The following HRH2 variants were observed in gnomAD, a reference collection of about 807,000 sequenced individuals.
The protein encoded by HRH2 is histamine receptor H2, also known as histamine H2 receptor.
In HRH2, 4 loss-of-function variants were observed where a neutral mutation model predicts 20.1. The observed-to-expected ratio is 0.20, with a 90% CI of 0.10 to 0.45. The LOEUF is 0.45. Ranked by LOEUF, HRH2 falls within the 20% of genes least tolerant of loss-of-function variation. The pLI is 0.99. For missense variants in HRH2, 250 were observed against 461.6 expected (o/e 0.54, Z 4.20); for synonymous variants, 197 against 200.7 (o/e 0.98, Z 0.16).
chr5:175,689,267 C>T (rs1366872767), intron 2 of HRH2, among the ~76,000 whole-genome samples: 5 of 152,084 alleles, frequency 3.3e-5, no homozygotes, highest in Non-Finnish European at 2.9e-5. Flanking sequence ...CCTCTGGCCC[C>T]CCTCAGCCCA....
At chr5:175,678,292 T>G (rs1755829147) in intron 1 of HRH2, among the ~76,000 whole-genome samples, 1 of 152,216 alleles carries the variant, frequency 6.6e-6, no homozygotes, top group African/African-American at 2.4e-5. Context: ...GAATGCTATT[T>G]GCTGACCATG....
chr5:175,706,751 C>G (rs1401030950), intron 2 of HRH2, among the ~76,000 whole-genome samples: 1 of 152,238 alleles, frequency 6.6e-6, no homozygotes, highest in Non-Finnish European at 1.5e-5. Flanking sequence ...GGCACATGCC[C>G]TCACATGGAA....
intron 1 of HRH2, among the ~76,000 whole-genome samples, chr5:175,674,579 C>T (rs1294112252): frequency 2.0e-5 from 3 of 152,166 alleles, no homozygotes; most frequent in African/African-American, 4.8e-5. Flanking sequence ...GTGCCAACAA[C>T]ACCAGTTACA....
rs1047676359 is a variant in HRH2 at position 175,667,244 on chromosome 5, G to A, written c.-526+9089G>A. Among the ~76,000 whole-genome samples the A allele has an allele frequency of 5.3e-5, 8 of 152,036 alleles. No individual in the cohort carries two copies. In the East Asian group the frequency reaches 5.8e-4, roughly 11 times the overall value. ...AGATCACCTGAGGTCAGGAGTTCGCGACCAGTCTGGCCAACGTGGTGAAAA... is the reference window on the plus strand; with the variant it reads ...AGATCACCTGAGGTCAGGAGTTCGCAACCAGTCTGGCCAACGTGGTGAAAA... On this transcript the variant is annotated intron_variant, in intron 1 of 2. Coordinates refer to ENST00000636584, the MANE Select transcript of HRH2 (RefSeq NM_001367711.1).
At chr5:175,661,388 A>G (rs1328483005) in intron 1 of HRH2, among the ~76,000 whole-genome samples, 2 of 152,206 alleles carry the variant, frequency 1.3e-5, no homozygotes, top group East Asian at 3.9e-4. Flanking sequence ...GAAATACGAA[A>G]TTATTAATAT....
chr5:175,676,128 T>C (rs1033336837), intron 1 of HRH2, among the ~76,000 whole-genome samples: 4 of 152,240 alleles, frequency 2.6e-5, no homozygotes, highest in African/African-American at 9.6e-5. Context: ...CGTGCACGTT[T>C]ACACTTCCCA....
rs747761681 is a variant in HRH2, at chr5:175,684,120, G to A, written c.887G>A (p.Arg296His). ...TATGCTGCGCTGAACAGAGACTTCC[G>A]CACCGGGTACCAACAGCTCTTCTGC... ...ILYAALNRDF[R>H]TGYQQLFCCR... is the part of the protein sequence containing the mutation. The change falls in exon 2 of 3, where the codon CGC becomes CAC. Residue 296 changes from arginine to histidine, a missense_variant. Around this residue, in one of 5 missense-constraint regions of HRH2, gnomAD observed 58 missense variants for 166.8 expected, o/e 0.35. Coordinates refer to ENST00000636584, the MANE Select transcript of HRH2 (RefSeq NM_001367711.1). The A allele has an allele frequency of 1.2e-6, 2 of 1,614,156 alleles. No homozygotes were observed. The highest frequency in any genetic ancestry group is 1.7e-6 in the Non-Finnish European group (2 of 1,180,030).
chr5:175,674,242 C>T (rs928131231), intron 1 of HRH2, among the ~76,000 whole-genome samples: 2 of 152,290 alleles, frequency 1.3e-5, no homozygotes, highest in African/African-American at 2.4e-5. Flanking sequence ...GGGATATGGA[C>T]GTTCAAAGCC....
chr5:175,683,182 A>G lies in HRH2; in HGVS notation c.-52A>G. 3 of 1,571,722 alleles carry G rather than the reference A, an allele frequency of 1.9e-6. No homozygotes were observed. The highest frequency in any genetic ancestry group is 2.6e-6 in the Non-Finnish European group (3 of 1,156,456). On this transcript the variant is annotated 5_prime_UTR_variant, in exon 2 of 3. Coordinates refer to ENST00000636584, the MANE Select transcript of HRH2 (RefSeq NM_001367711.1). The stretch of plus-strand genomic sequence containing the variant: ...GGCATAGTTGTCACATTGGGAGCAG[A>G]GAAGAAGCAACCAGGGGCCCTGATC...
chr5:175,661,431 A>G (rs1423349074), intron 1 of HRH2, among the ~76,000 whole-genome samples: 1 of 152,218 alleles, frequency 6.6e-6, no homozygotes, highest in African/African-American at 2.4e-5. Context: ...TATTCTTACT[A>G]TGTTCCCATG....
intron 1 of HRH2, among the ~76,000 whole-genome samples, chr5:175,664,803 C>T (rs1482197327): frequency 2.0e-5 from 3 of 152,098 alleles, no homozygotes; most frequent in Admixed American, 1.3e-4. Context: ...ATGCATGCTG[C>T]TTTATTTTTT....
chr5:175,684,426 C>G, intron 2 of HRH2, 117 bp downstream of exon 2: 2 of 1,418,476 alleles, frequency 1.4e-6, no homozygotes, highest in Non-Finnish European at 1.9e-6. Flanking sequence ...AGGAACTCTT[C>G]ATGAGCACTT....
At chr5:175,688,659 C>T (rs558681264) in intron 2 of HRH2, among the ~76,000 whole-genome samples, 29 of 152,320 alleles carry the variant, frequency 1.9e-4, no homozygotes, top group African/African-American at 4.8e-4. Context: ...CTCTCTGATC[C>T]CAAAGCCTAG....
chr5:175,685,787 A>G (rs779589529), intron 2 of HRH2: 4 of 475,064 alleles, frequency 8.4e-6, no homozygotes, highest in Middle Eastern at 5.7e-4. Context: ...CCAATAGGAC[A>G]TAAGTCCACG....
chr5:175,679,089 A>G (rs1755864174), intron 1 of HRH2, among the ~76,000 whole-genome samples: 1 of 152,000 alleles, frequency 6.6e-6, no homozygotes, highest in Non-Finnish European at 1.5e-5. Flanking sequence ...GCCAAGTTCT[A>G]CCTCTTTCTG....
rs1581442154 is a variant in HRH2 at position 175,687,132 on chromosome 5, T to G, written c.1076+2823T>G. On this transcript the variant is annotated intron_variant, in intron 2 of 2. Transcript: ENST00000636584. The surrounding 1 kb of genome is among the most constrained non-coding windows in gnomAD (Gnocchi z 5.2). ...GCCCCCAGGAGCAGGGGCAGAGGGCTTTGGCAGAGAAGGGTGGGGGAGCCA... is the reference window on the plus strand; with the variant it reads ...GCCCCCAGGAGCAGGGGCAGAGGGCGTTGGCAGAGAAGGGTGGGGGAGCCA... 6.6e-6 allele frequency among the ~76,000 whole-genome samples: 1 copy of G among 152,110 alleles called. No homozygotes were observed. Among genetic ancestry groups the G allele is most frequent in the East Asian group, 1.9e-4 (1 of 5,186 alleles).
chr5:175,670,396 T>C (rs1435972709), intron 1 of HRH2, among the ~76,000 whole-genome samples: 2 of 152,260 alleles, frequency 1.3e-5, no homozygotes, highest in Non-Finnish European at 2.9e-5. Context: ...CTCAGTAGAC[T>C]GAATTCAGCC....
chr5:175,692,510 G>A (rs978023246), intron 2 of HRH2, among the ~76,000 whole-genome samples: 2 of 152,200 alleles, frequency 1.3e-5, no homozygotes, highest in African/African-American at 4.8e-5. Flanking sequence ...GGATAAAAAT[G>A]CCTCCCTGAG....
At chr5:175,668,573 TAGC>T (rs967233935) in intron 1 of HRH2, among the ~76,000 whole-genome samples, 14 of 152,154 alleles carry the variant, frequency 9.2e-5, no homozygotes, top group Non-Finnish European at 1.6e-4. Context: ...GACTAACTGG[TAGC>T]AGCAGAGCTG....
Sources: gnomAD v4.1 joint callset for allele counts (sites outside exome capture counted in the v4.1 genomes callset) on GRCh38, gnomAD v4.1.1 for gene constraint, gnomAD v4.1.1 regional missense constraint, Gnocchi (gnomAD v3.1) non-coding constraint, MANE v1.5 for transcripts, NCBI Gene and HGNC (gene_info 2026-07-23, HGNC 2026-07-21) for gene names.